Variants in MTA1 observed in about 807,000 individuals in gnomAD.
The protein encoded by MTA1 is metastasis-associated protein MTA1.
A neutral mutation model predicts 97.0 loss-of-function variants in MTA1; 15 were observed. That is an observed-to-expected ratio of 0.15 (90% CI 0.10 to 0.24). The LOEUF (loss-of-function observed/expected upper bound fraction) is 0.24, where lower values mean the gene tolerates loss of function less well. MTA1 is among the 10% of genes least tolerant of loss of function. The pLI, the probability that MTA1 is intolerant of heterozygous loss-of-function variation, is 1.00. For synonymous variants in MTA1, 435 were observed against 417.5 expected (o/e 1.04, Z -0.51); for missense variants, 709 against 1,015.1 (o/e 0.70, Z 4.10).
chr14:105,449,263 C>G (rs1178725733), intron 3 of MTA1, 96 bp from the exon 4 acceptor site: 4 of 1,326,320 alleles, frequency 3.0e-6, no homozygotes, highest in Non-Finnish European at 4.1e-6. Context: ...CTGCCCTGCC[C>G]CCTGGCGGCA....
At chr14:105,468,614 AGG>A (rs2083695790) in intron 18 of MTA1, among the ~76,000 whole-genome samples, 1 of 152,138 alleles carries the variant, frequency 6.6e-6, no homozygotes, top group Non-Finnish European at 1.5e-5. Context: ...CTGTTCCTTA[AGG>A]GATGGGCCTC....
Position 105,464,091 on chromosome 14 carries a change from G to C in MTA1, c.1136G>C (p.Gly379Ala), listed in dbSNP as rs782170741. The change falls in exon 13 of 21, where the codon GGC (glycine) becomes GCC (alanine). Residue 379 changes from glycine to alanine, a missense_variant. Transcript: ENST00000331320. ...VNNVKAGVVN[G>A]TGAPGQSPGA... ...AACGTCAAGGCCGGTGTGGTGAACGGCACGGGGGCGCCGGGCCAGAGCCCT... is the reference window on the plus strand; with the variant it reads ...AACGTCAAGGCCGGTGTGGTGAACGCCACGGGGGCGCCGGGCCAGAGCCCT... 2.5e-6 allele frequency: 4 copies of C among 1,612,404 alleles called. No homozygotes were observed. The highest frequency in any genetic ancestry group is 3.4e-6 in the Non-Finnish European group (4 of 1,179,760).
chr14:105,423,215 A>ATTTTTTTTTTTTTT (rs1166908446), intron 1 of MTA1, among the ~76,000 whole-genome samples: 3 of 113,558 alleles, frequency 2.6e-5, no homozygotes, highest in South Asian at 2.8e-4. Flanking sequence ...TTTTTGTTTA[A>ATTTTTTTTTTTTTT]TTTTTTTTTT....
chr14:105,457,075 A>G (rs1373395252), intron 7 of MTA1, among the ~76,000 whole-genome samples: 1 of 152,220 alleles, frequency 6.6e-6, no homozygotes, highest in Non-Finnish European at 1.5e-5. Context: ...AGTGGAGGGC[A>G]GCCCCGCACT....
At position 105,470,307 on chromosome 14, in the gene MTA1, T is replaced by C. The variant is rs2083788512; in HGVS notation, c.*92T>C. The C allele has an allele frequency of 2.7e-6, 3 of 1,124,166 alleles. No homozygotes were observed. The highest frequency in any genetic ancestry group is 3.5e-6 in the Non-Finnish European group (3 of 858,570). The allele number at this position is 1,124,166 out of a possible 1,614,324, so 69.6% of individuals were successfully genotyped here. A position where few individuals can be genotyped will look rare whatever the true frequency, so the allele number is the denominator to read the frequency against. On this transcript the variant is annotated 3_prime_UTR_variant, in exon 21 of 21. Transcript: ENST00000331320. The stretch of plus-strand genomic sequence containing the variant: ...CGCCGCCCGCCCCTCAGTTTGGTAG[T>C]GCCCCACCTCCCGCCCTCACCTGCA...
At chr14:105,461,832 C>T (rs960306788) in intron 10 of MTA1, among the ~76,000 whole-genome samples, 8 of 152,106 alleles carry the variant, frequency 5.3e-5, no homozygotes, top group Non-Finnish European at 8.8e-5. Context: ...AGAGCTTGGC[C>T]GGGCGGGAGG....
intron 6 of MTA1, 73 bp downstream of exon 6, chr14:105,450,397 G>A (rs1279656736): frequency 6.6e-7 from 1 of 1,504,240 alleles, no homozygotes; most frequent in East Asian, 2.3e-5. Flanking sequence ...GACCTCTGCT[G>A]GCCTGGGCGG....
At chr14:105,464,355 A>G (rs1426330842) in intron 13 of MTA1, 61 bp from the exon 14 acceptor site, 5 of 1,595,910 alleles carry the variant, frequency 3.1e-6, no homozygotes, top group Non-Finnish European at 4.3e-6. Flanking sequence ...GTGGCGGGGA[A>G]TACTCTGACA....
At chr14:105,448,067 G>A (rs782227121) in intron 3 of MTA1, among the ~76,000 whole-genome samples, 3 of 152,154 alleles carry the variant, frequency 2.0e-5, no homozygotes, top group South Asian at 2.1e-4. Context: ...CCCTCCCCCC[G>A]GCAGGGCTGT....
At position 105,469,933 on chromosome 14, in the gene MTA1, G is replaced by A. The variant is rs1341652186; in HGVS notation, c.1938G>A (p.Arg646=). The part of the protein sequence containing the change: ...RGGSLPPVKR[R]RMNWIDAPDD... ...GCTCCCTGCCCCCAGTCAAGCGGCG[G>A]CGGATGAACTGGATCGACGCCCCGG... is the stretch of plus-strand genomic sequence containing the variant. Residue 646 remains arginine (R), a synonymous_variant, in exon 20 of 21, where the codon CGG becomes CGA. Transcript: ENST00000331320. 1.9e-6 allele frequency: 3 copies of A among 1,612,344 alleles called. No homozygotes were observed. Among genetic ancestry groups the A allele is most frequent in the East Asian group, 2.2e-5 (1 of 44,864 alleles).
At position 105,450,273 on chromosome 14, in the gene MTA1, C is replaced by T. The variant is rs201208264; in HGVS notation, c.381C>T (p.Ser127=). Residue 127 remains serine, a synonymous_variant, in exon 6 of 21, where the codon AGC becomes AGT. Transcript: ENST00000331320. The stretch of plus-strand genomic sequence containing the variant: ...CCTTCTCTTCCAGGGGCAAGTGCAG[C>T]GTCACCCTGCTCAACGAGACCGAGT... The part of the protein sequence containing the change: ...LPATHIRGKC[S]VTLLNETESL... 1.3e-4 allele frequency: 202 copies of T among 1,608,810 alleles called. 1 individual carries two copies. The highest frequency in any genetic ancestry group is 3.3e-4 in the Admixed American group (20 of 59,906).
chr14:105,465,195 G>A lies in MTA1; in HGVS notation c.1624+12G>A, dbSNP rs1373208659. On this transcript the variant is annotated intron_variant, in intron 16 of 20. Transcript: ENST00000331320. Reference sequence around the variant, plus strand: ...GCTTCGGTATCTTGGTGAGCAGCCAGGCGTGCTGGGGGGCTCCCAATGCTG... The same window carrying A: ...GCTTCGGTATCTTGGTGAGCAGCCAAGCGTGCTGGGGGGCTCCCAATGCTG... The A allele has an allele frequency of 3.3e-6, 5 of 1,505,160 alleles. No homozygotes were observed. Among genetic ancestry groups the A allele is most frequent in the Non-Finnish European group, 4.5e-6 (5 of 1,119,362 alleles). The allele number at this position is 1,505,160 out of a possible 1,614,324, so 93.2% of individuals were successfully genotyped here.
intron 7 of MTA1, among the ~76,000 whole-genome samples, chr14:105,456,411 G>T (rs1304469435): frequency 6.6e-6 from 1 of 152,118 alleles, no homozygotes; most frequent in Non-Finnish European, 1.5e-5. Context: ...GGTCTGGGGC[G>T]ATGGGACTAA....
rs1555432847 is a variant in MTA1, at chr14:105,466,486, G to A, written c.1685G>A (p.Ser562Asn). The change falls in exon 17 of 21, where the codon AGC becomes AAC. Residue 562 changes from serine (S) to asparagine (N), a missense_variant. Ser to Asn is a conservative substitution (Grantham distance 46). This residue lies in a region of MTA1 where 388 missense variants were observed against 421.6 expected (regional missense o/e 0.92). Transcript: ENST00000331320. ...AAAAGCGTGTCCAGCGTGCTCAGCA[G>A]CCTGACGCCCGCCAAGGTGGCCCCC... Reference protein sequence around the residue: ...PVKSVSSVLSSLTPAKVAPVI... With the variant: ...PVKSVSSVLSNLTPAKVAPVI... 1 of 1,569,452 alleles carries A rather than the reference G, an allele frequency of 6.4e-7. No homozygotes were observed. The highest frequency in any genetic ancestry group is 8.6e-7 in the Non-Finnish European group (1 of 1,157,296).
In MTA1 at chr14:105,460,341, G is replaced by C; in HGVS notation, c.654-17G>C. On this transcript the variant is annotated splice_polypyrimidine_tract_variant and intron_variant, in intron 8 of 20. Coordinates refer to ENST00000331320, the MANE Select transcript of MTA1 (RefSeq NM_004689.4). ...CTGCTTGGCCGACACTGTGGTCAGC[G>C]CATCTCCTTTCCCCAGCTCTGTGGG... 6.3e-7 allele frequency: 1 copy of C among 1,599,336 alleles called. No homozygotes were observed. Among genetic ancestry groups the C allele is most frequent in the Non-Finnish European group, 8.5e-7 (1 of 1,172,918 alleles).
At position 105,423,224 on chromosome 14, in the gene MTA1, T is replaced by G. The variant is rs587657412; in HGVS notation, c.28+3161T>G. ...GGATTTTTTTTGTTTAATTTTTTTT[T>G]TTTTTTTTTTTTTGAGATGGAGTCT... On this transcript the variant is annotated intron_variant, in intron 1 of 20. Coordinates refer to ENST00000331320, the MANE Select transcript of MTA1 (RefSeq NM_004689.4). Among the ~76,000 whole-genome samples the G allele has an allele frequency of 2.0e-4, 30 of 146,722 alleles. No individual in the cohort carries two copies. In the East Asian group the frequency reaches 5.1e-3, roughly 25 times the overall value.
In MTA1 at chr14:105,466,455, C is replaced by A. The variant is rs782722721; in HGVS notation, c.1654C>A (p.Pro552Thr). 11 of 1,584,128 alleles carry A rather than the reference C, an allele frequency of 6.9e-6. No homozygotes were observed. Among genetic ancestry groups the A allele is most frequent in the Non-Finnish European group, 9.5e-6 (11 of 1,162,784 alleles). Reference sequence around the variant, plus strand: ...CCACCCCCGCCCCCCCAAGCCTGACCCCGTGAAAAGCGTGTCCAGCGTGCT... The same window carrying A: ...CCACCCCCGCCCCCCCAAGCCTGACACCGTGAAAAGCGTGTCCAGCGTGCT... The part of the protein sequence containing the change: ...ETHPRPPKPD[P>T]VKSVSSVLSS... Residue 552 changes from proline to threonine, a missense_variant, in exon 17 of 21, where the codon CCC becomes ACC. Physicochemically the swap from Pro to Thr is conservative, Grantham distance 38 (BLOSUM62 -1). Transcript: ENST00000331320.
chr14:105,467,674 T>C (rs1319102410), intron 18 of MTA1: 1 of 360,350 alleles, frequency 2.8e-6, no homozygotes, highest in Non-Finnish European at 5.5e-6. Flanking sequence ...AGCCCTCCTT[T>C]CCTGGGGCAC....
chr14:105,464,288 G>A (rs1286072816), intron 13 of MTA1, 128 bp from the exon 14 acceptor site: 1 of 1,421,286 alleles, frequency 7.0e-7, no homozygotes, highest in Non-Finnish European at 9.6e-7. Flanking sequence ...GGTGTGGTTG[G>A]GAGAGCCTCG....
Sources: gnomAD v4.1 joint callset for allele counts (sites outside exome capture counted in the v4.1 genomes callset) on GRCh38, gnomAD v4.1.1 for gene constraint, gnomAD v4.1.1 regional missense constraint, MANE v1.5 for transcripts, NCBI Gene and HGNC (gene_info 2026-07-23, HGNC 2026-07-21) for gene names.